Variants in SP3 observed in about 807,000 individuals in gnomAD.
SP3 encodes Sp3 transcription factor, also known as transcription factor Sp3.
Under a neutral mutation model 70.3 loss-of-function variants are expected in SP3, and 10 were observed. The ratio of observed to expected loss-of-function variants is 0.14; its 90% confidence interval spans 0.09 to 0.24. The LOEUF (loss-of-function observed/expected upper bound fraction) is 0.24. Ranked by LOEUF, SP3 falls within the 10% of genes least tolerant of loss-of-function variation. SP3 has a pLI of 1.00. For missense variants in SP3, 825 were observed against 914.6 expected, an observed-to-expected ratio of 0.90 and a Z score of 1.26; for synonymous variants, 402 against 333.5, an observed-to-expected ratio of 1.21 and a Z score of -2.24.
intron 4 of SP3, among the ~76,000 whole-genome samples, chr2:173,931,326 C>T (rs1176194520): frequency 6.9e-6 from 1 of 144,478 alleles, no homozygotes; most frequent in South Asian, 2.1e-4. Flanking sequence ...GTCAGGAGTT[C>T]GAGACCAGCC....
chr2:173,940,753 A>G (rs1690349310), intron 4 of SP3, among the ~76,000 whole-genome samples: 1 of 152,150 alleles, frequency 6.6e-6, no homozygotes, highest in Admixed American at 6.5e-5. Flanking sequence ...TTCTCAGATG[A>G]CCACTTCATA....
At chr2:173,964,836 GC>G (rs1383793736) in intron 1 of SP3, 2 of 471,070 alleles carry the variant, frequency 4.2e-6, no homozygotes, top group Middle Eastern at 5.4e-4. Context: ...TTCCCTTCGC[GC>G]CGCTCGCTCT....
In SP3 at chr2:173,955,856, G is replaced by A; in HGVS notation, c.656C>T (p.Thr219Ile). The A allele has an allele frequency of 6.2e-7, 1 of 1,614,232 alleles. No homozygotes were observed. The highest frequency in any genetic ancestry group is 8.5e-7 in the Non-Finnish European group (1 of 1,180,020). Residue 219 changes from threonine (T) to isoleucine (I), a missense_variant, in exon 4 of 7, where the codon ACA becomes ATA. This residue lies in a region of SP3 where 678 missense variants were observed against 651.6 expected (regional missense o/e 1.04). Coordinates refer to ENST00000310015, the MANE Select transcript of SP3 (RefSeq NM_003111.5). ...GSNQTLLASG[T>I]PSANIQNLIP... ...GAGATTCTGGATGTTAGCAGAAGGT[G>A]TTCCAGAGGCAAGTAAGGTTTGATT...
At chr2:173,954,604 A>C (rs940823738) in intron 4 of SP3, among the ~76,000 whole-genome samples, 1 of 152,242 alleles carries the variant, frequency 6.6e-6, no homozygotes, top group Admixed American at 6.5e-5. Flanking sequence ...AATATCAATC[A>C]GATGTCAAAA....
intron 4 of SP3, among the ~76,000 whole-genome samples, chr2:173,924,337 T>C (rs1172477383): frequency 1.3e-5 from 2 of 152,208 alleles, no homozygotes; most frequent in African/African-American, 4.8e-5. Context: ...ACAGAAGATC[T>C]CATTTTATAG....
intron 4 of SP3, among the ~76,000 whole-genome samples, chr2:173,930,675 G>T (rs1690043594): frequency 1.3e-5 from 2 of 152,108 alleles, no homozygotes. Flanking sequence ...TAATAATATT[G>T]TTCTCTGCAT....
intron 4 of SP3, among the ~76,000 whole-genome samples, chr2:173,935,246 A>G (rs1690176553): frequency 6.6e-6 from 1 of 152,160 alleles, no homozygotes; most frequent in Non-Finnish European, 1.5e-5. Flanking sequence ...AAAAATCATA[A>G]AGCTGGGTGT....
intron 4 of SP3, among the ~76,000 whole-genome samples, chr2:173,941,147 A>G (rs1226899666): frequency 1.3e-5 from 2 of 150,348 alleles, no homozygotes; most frequent in South Asian, 2.1e-4. Context: ...AAAAAAAAAA[A>G]AGTCTGTAAT....
At chr2:173,964,719 T>C (rs2105511151) in intron 1 of SP3, 166 bp from the exon 2 acceptor site, 1 of 274,038 alleles carries the variant, frequency 3.6e-6, no homozygotes, top group Non-Finnish European at 6.2e-6. Flanking sequence ...CCTCCTCCCC[T>C]CCTGCTGCTG....
chr2:173,955,400 T>C lies in SP3; in HGVS notation c.1112A>G (p.Asn371Ser), dbSNP rs1218341460. ...TTCAGAAACAGGCGACTGGATATAA[T>C]TTCCCTGAAGATCTGAAGAATGAAC... is the stretch of plus-strand genomic sequence containing the variant. ...GQVHSSDLQG[N>S]YIQSPVSEET... is the part of the protein sequence containing the mutation. Residue 371 changes from asparagine to serine, a missense_variant, in exon 4 of 7, where the codon AAT becomes AGT. Asn to Ser is a conservative substitution (Grantham distance 46, BLOSUM62 1). Transcript: ENST00000310015. 1 of 1,614,138 alleles carries C rather than the reference T, an allele frequency of 6.2e-7. No individual in the cohort carries two copies. Among genetic ancestry groups the C allele is most frequent in the South Asian group, 1.1e-5 (1 of 91,082 alleles).
intron 2 of SP3, 78 bp downstream of exon 2, chr2:173,964,315 GGAGGGGTGAGGC>G: frequency 1.7e-6 from 1 of 600,752 alleles, no homozygotes; most frequent in South Asian, 1.8e-5. Flanking sequence ...AGACGAGGAG[GGAGGGGTGAGGC>G]GAGGAGGGAG....
At chr2:173,912,690 T>C (rs1417279257) in intron 6 of SP3, among the ~76,000 whole-genome samples, 4 of 151,964 alleles carry the variant, frequency 2.6e-5, no homozygotes, top group Non-Finnish European at 5.9e-5. Flanking sequence ...CCCAAATATG[T>C]CAGAAGAAAC....
chr2:173,961,458 G>A (rs1371693447), intron 3 of SP3, among the ~76,000 whole-genome samples: 1 of 152,124 alleles, frequency 6.6e-6, no homozygotes, highest in African/African-American at 2.4e-5. Flanking sequence ...GTGGAATCCT[G>A]GACTGGATCC....
chr2:173,911,084 C>T (rs1470086943), intron 6 of SP3, among the ~76,000 whole-genome samples: 1 of 152,152 alleles, frequency 6.6e-6, no homozygotes, highest in Non-Finnish European at 1.5e-5. Context: ...ATCCTTTGTT[C>T]TAGCACCTCT....
rs553305876 is a variant in SP3 at position 173,933,076 on chromosome 2, C to T, written c.1640-14291G>A. 5.3e-4 allele frequency among the ~76,000 whole-genome samples: 81 copies of T among 152,118 alleles called. 1 individual carries two copies. The highest frequency in any genetic ancestry group is 1.9e-3 in the African/African-American group (77 of 41,480). On this transcript the variant is annotated intron_variant, in intron 4 of 6. Coordinates refer to ENST00000310015, the MANE Select transcript of SP3 (RefSeq NM_003111.5). ...GTGACACAGGGACACAAAGTGATCACGTTCTGATGGAAAAATGGGGTCAAC... is the reference window on the plus strand; with the variant it reads ...GTGACACAGGGACACAAAGTGATCATGTTCTGATGGAAAAATGGGGTCAAC...
At position 173,907,367 on chromosome 2, in the gene SP3, ATGT is replaced by A. The variant is rs912521641; in HGVS notation, c.*2571_*2573del. On this transcript the variant is annotated 3_prime_UTR_variant, in exon 7 of 7. Transcript: ENST00000310015. ...AGTTGACATCAGAGCAAATCTTCAA[ATGT>A]TGTTTCCAGAGTATATTCAACATTT... 6.6e-6 allele frequency: 1 copy of A among 152,144 alleles called. No homozygotes were observed. Among genetic ancestry groups the A allele is most frequent in the African/African-American group, 2.4e-5 (1 of 41,452 alleles). The allele number at this position is 152,144 out of a possible 1,614,324, so 9.4% of individuals were successfully genotyped here. A position where few individuals can be genotyped will look rare whatever the true frequency, so the allele number is the denominator to read the frequency against.
chr2:173,905,080 G>A lies in SP3; in HGVS notation c.*4861C>T, dbSNP rs1689278216. On this transcript the variant is annotated 3_prime_UTR_variant, in exon 7 of 7. Transcript: ENST00000310015. ...TTTTCTTCTTATTCCATCCTTTTCT[G>A]ATAGGGCAGTCACTTCAGACACTTC... Among the ~76,000 whole-genome samples the A allele has an allele frequency of 6.6e-6, 1 of 152,148 alleles. No individual in the cohort carries two copies. The highest frequency in any genetic ancestry group is 1.5e-5 in the Non-Finnish European group (1 of 68,014).
At chr2:173,947,310 C>T (rs1331733265) in intron 4 of SP3, among the ~76,000 whole-genome samples, 4 of 152,076 alleles carry the variant, frequency 2.6e-5, no homozygotes, top group African/African-American at 4.8e-5. Context: ...CTTAACTGCT[C>T]GTTCATTATC....
intron 4 of SP3, among the ~76,000 whole-genome samples, chr2:173,924,513 G>T (rs944035116): frequency 6.6e-6 from 1 of 152,122 alleles, no homozygotes; most frequent in African/African-American, 2.4e-5. Flanking sequence ...CATAAGATAA[G>T]GATTTACTAC....
Sources: allele counts gnomAD v4.1 joint callset (sites outside exome capture counted in the v4.1 genomes callset), GRCh38; gene constraint gnomAD v4.1.1; regional missense constraint gnomAD v4.1.1; transcripts MANE v1.5; gene names NCBI Gene and HGNC (gene_info 2026-07-23, HGNC 2026-07-21).